CEP89: variants seen among roughly 807,000 people sequenced by gnomAD.
CEP89 encodes centrosomal protein of 89 kDa.
In CEP89, 95 loss-of-function variants were observed where a neutral mutation model predicts 97.6. That is an observed-to-expected ratio of 0.97 (90% CI 0.82 to 1.15). CEP89 has a LOEUF of 1.15. Ranked by LOEUF, CEP89 falls within the 50% of genes most tolerant of loss-of-function variation. The pLI is 0.00. For synonymous variants in CEP89, 354 were observed against 349.1 expected, an observed-to-expected ratio of 1.01 and a Z score of -0.16; for missense variants, 869 against 947.7, an observed-to-expected ratio of 0.92 and a Z score of 1.09.
intron 9 of CEP89, 142 bp downstream of exon 9, chr19:32,931,287 T>C (rs1970467365): frequency 2.9e-6 from 2 of 689,884 alleles, no homozygotes; most frequent in Non-Finnish European, 4.6e-6. Context: ...AGAAACAGAA[T>C]GGTCCTTAGA....
chr19:32,958,878 G>A (rs968245743), intron 3 of CEP89, among the ~76,000 whole-genome samples: 1 of 151,808 alleles, frequency 6.6e-6, no homozygotes, highest in African/African-American at 2.4e-5. Context: ...TTAGCCAGGT[G>A]TGGTGGCGTG....
chr19:32,931,183 T>A (rs2145927993), intron 9 of CEP89: 1 of 430,884 alleles, frequency 2.3e-6, no homozygotes, highest in South Asian at 8.2e-5. Flanking sequence ...AGCCACCTCA[T>A]CCGGCCTCTT....
intron 14 of CEP89, among the ~76,000 whole-genome samples, chr19:32,906,569 C>A (rs2145895497): frequency 6.6e-6 from 1 of 152,064 alleles, no homozygotes; most frequent in South Asian, 2.1e-4. Flanking sequence ...TTACCACTAT[C>A]ATTTACTTTC....
At chr19:32,884,747 T>TA (rs1410299138) in intron 17 of CEP89, among the ~76,000 whole-genome samples, 1 of 152,100 alleles carries the variant, frequency 6.6e-6, no homozygotes, top group Non-Finnish European at 1.5e-5. Flanking sequence ...AACTTTTTTT[T>TA]AGAGATGGGG....
At chr19:32,902,010 C>CTCTGTGTG (rs1207481256) in intron 14 of CEP89, among the ~76,000 whole-genome samples, 2,702 of 133,754 alleles carry the variant, frequency 0.02, 44 homozygotes, top group African/African-American at 0.035. Flanking sequence ...CTCTCTCTCT[C>CTCTGTGTG]TGTGTGTGTG....
intron 16 of CEP89, among the ~76,000 whole-genome samples, chr19:32,896,008 G>A (rs1260511633): frequency 1.3e-5 from 2 of 152,152 alleles, no homozygotes; most frequent in East Asian, 1.9e-4. Context: ...TCATGGATGC[G>A]AAGAATTAAC....
intron 3 of CEP89, among the ~76,000 whole-genome samples, chr19:32,955,559 G>A (rs1450851557): frequency 6.6e-6 from 1 of 152,096 alleles, no homozygotes; most frequent in Non-Finnish European, 1.5e-5. Context: ...TGTCACCCAG[G>A]CTGGAGTGTG....
At chr19:32,912,675 C>T (rs1437604034) in intron 14 of CEP89, among the ~76,000 whole-genome samples, 4 of 152,146 alleles carry the variant, frequency 2.6e-5, no homozygotes, top group African/African-American at 4.8e-5. Context: ...AATATTTTCC[C>T]ATTCTGCCTT....
intron 5 of CEP89, among the ~76,000 whole-genome samples, chr19:32,946,225 C>T (rs1970794705): frequency 6.6e-6 from 1 of 152,178 alleles, no homozygotes; most frequent in Non-Finnish European, 1.5e-5. Flanking sequence ...TCTCAGCCTC[C>T]TGCATAGCTG....
chr19:32,956,060 T>C (rs1350526002), intron 3 of CEP89, among the ~76,000 whole-genome samples: 1 of 54,832 alleles, frequency 1.8e-5, no homozygotes, highest in African/African-American at 7.2e-5. Flanking sequence ...TTTTTTTTTT[T>C]TTTTTTTTTT....
Position 32,887,751 on chromosome 19 carries a change from C to T in CEP89, c.1965+1G>A. 6.3e-7 allele frequency: 1 copy of T among 1,594,644 alleles called. No homozygotes were observed. Among genetic ancestry groups the T allele is most frequent in the Non-Finnish European group, 8.6e-7 (1 of 1,162,280 alleles). On this transcript the variant is annotated splice_donor_variant, in intron 17 of 18. Transcript: ENST00000305768. LOFTEE classifies it high-confidence loss of function. ...ATCTCTGAGGCCAAATAACCACTTA[C>T]CTTGACTTTTTCCTCTAACTTTCCC...
rs544201562 is a variant in CEP89, at chr19:32,971,340, G to A, written c.39+496C>T. 4 of 427,102 alleles carry A rather than the reference G, an allele frequency of 9.4e-6. No homozygotes were observed. The East Asian group carries it at 1.0e-4, about 11-fold the overall frequency. 26.5% of individuals were successfully genotyped at this position (427,102 alleles called of 1,614,324 possible). ...TCCGGGCACGGGGACGAATGCTACA[G>A]GGGAGGCAGGGTGCTCCTGTCCAAC... On this transcript the variant is annotated intron_variant, in intron 1 of 18. Transcript: ENST00000305768.
intron 16 of CEP89, among the ~76,000 whole-genome samples, chr19:32,895,872 A>G (rs1054665879): frequency 1.3e-5 from 2 of 152,204 alleles, no homozygotes. Flanking sequence ...TCCCATTTAC[A>G]ATAGCTACAA....
At chr19:32,918,380 C>T in intron 12 of CEP89, 41 bp from the exon 13 acceptor site, 1 of 1,436,176 alleles carries the variant, frequency 7.0e-7, no homozygotes, top group Non-Finnish European at 9.8e-7. Context: ...GATTCAGGTG[C>T]TGAATGGTTA....
chr19:32,971,812 C>T, intron 1 of CEP89, 24 bp downstream of exon 1: 1 of 1,586,008 alleles, frequency 6.3e-7, no homozygotes, highest in Non-Finnish European at 8.6e-7. Context: ...GAGCCCCACG[C>T]GCGGCGGGCG....
At chr19:32,913,724 C>T (rs1023757816) in intron 14 of CEP89, among the ~76,000 whole-genome samples, 3 of 151,656 alleles carry the variant, frequency 2.0e-5, no homozygotes, top group Non-Finnish European at 4.4e-5. Flanking sequence ...CTGCAACCTC[C>T]GCCTCCCAGG....
At chr19:32,937,414 C>A (rs1970600880) in intron 7 of CEP89, 2 of 530,424 alleles carry the variant, frequency 3.8e-6, no homozygotes, top group South Asian at 4.5e-5. Context: ...GGTCCACGTC[C>A]CCCCAGGTCC....
At chr19:32,903,762 A>G (rs1969831989) in intron 14 of CEP89, among the ~76,000 whole-genome samples, 1 of 152,192 alleles carries the variant, frequency 6.6e-6, no homozygotes, top group Admixed American at 6.5e-5. Context: ...TGAGAGGGAA[A>G]AACAGAAGAG....
chr19:32,934,504 G>C (rs1970540951), intron 7 of CEP89, among the ~76,000 whole-genome samples: 1 of 152,236 alleles, frequency 6.6e-6, no homozygotes, highest in South Asian at 2.1e-4. Context: ...CCTCCCAGGG[G>C]AGGGAGAGGC....
Sources: gnomAD v4.1 joint callset for allele counts (sites outside exome capture counted in the v4.1 genomes callset) on GRCh38, gnomAD v4.1.1 for gene constraint, MANE v1.5 for transcripts, NCBI Gene and HGNC (gene_info 2026-07-23, HGNC 2026-07-21) for gene names.